The following GCLC variants were observed in gnomAD, a reference collection of about 807,000 sequenced individuals.
GCLC encodes glutamate-cysteine ligase catalytic subunit.
Under a neutral mutation model 81.5 loss-of-function variants are expected in GCLC, and 30 were observed. The ratio of observed to expected loss-of-function variants is 0.37; its 90% CI spans 0.28 to 0.50. GCLC has a LOEUF of 0.50. GCLC is among the 20% of genes least tolerant of loss of function. The pLI, the probability that GCLC is intolerant of heterozygous loss-of-function variation, is 0.96. For missense variants in GCLC, 556 were observed against 777.4 expected, an observed-to-expected ratio of 0.72 and a Z score of 3.39; for synonymous variants, 262 against 273.3, an observed-to-expected ratio of 0.96 and a Z score of 0.41.
At chr6:53,528,050 T>A (rs994617399) in intron 1 of GCLC, among the ~76,000 whole-genome samples, 3 of 152,194 alleles carry the variant, frequency 2.0e-5, no homozygotes, top group Non-Finnish European at 4.4e-5. Context: ...AATTTTTTTT[T>A]AAAAGAAATC....
chr6:53,506,994 A>G lies in GCLC; in HGVS notation c.1116T>C (p.Ala372=), dbSNP rs765323836. ...GIDHLLAQHV[A]HLFIRDPLTL... The stretch of plus-strand genomic sequence containing the variant: ...TCAGTGGGTCTCTAATAAAGAGATG[A>G]GCAACATGCTGGGCCAGGAGATGAT... The change falls in exon 10 of 16, where the codon GCT becomes GCC. Residue 372 remains alanine (A), a synonymous_variant. Transcript: ENST00000650454. This position sits in a 1 kb window ranked among gnomAD's most constrained non-coding sequence, Gnocchi z 4.0. The G allele has an allele frequency of 3.7e-6, 6 of 1,610,348 alleles. No homozygotes were observed. In the African/African-American group the frequency reaches 5.3e-5, roughly 14 times the overall value.
At chr6:53,526,476 A>G (rs970923588) in intron 1 of GCLC, among the ~76,000 whole-genome samples, 2 of 152,188 alleles carry the variant, frequency 1.3e-5, no homozygotes, top group Admixed American at 1.3e-4. Flanking sequence ...CTCTACCTTA[A>G]GGGTAAGAGT....
At chr6:53,541,290 G>C (rs1380590212) in intron 1 of GCLC, among the ~76,000 whole-genome samples, 1 of 152,206 alleles carries the variant, frequency 6.6e-6, no homozygotes, top group Non-Finnish European at 1.5e-5. Flanking sequence ...ATCAAGGGCG[G>C]GAGGTAGAAC....
chr6:53,516,051 C>T, intron 4 of GCLC, 58 bp downstream of exon 4: 1 of 999,762 alleles, frequency 1.0e-6, no homozygotes, highest in Non-Finnish European at 1.6e-6. Context: ...ATACTATACT[C>T]TCAGAAGTCA....
rs1423690823 is a variant in GCLC, at chr6:53,506,657, A to G, written c.1197+256T>C. ...GGCAAATAAGAAAATACTGAACAAT[A>G]AAAAAAAAAATTAGAATCAGTGAGA... On this transcript the variant is annotated intron_variant, in intron 10 of 15. Coordinates refer to ENST00000650454, the MANE Select transcript of GCLC (RefSeq NM_001498.4). The surrounding 1 kb of genome is among the most constrained non-coding windows in gnomAD (Gnocchi z 4.0). 2 of 265,680 alleles carry G rather than the reference A, an allele frequency of 7.5e-6. No homozygotes were observed. Among genetic ancestry groups the G allele is most frequent in the East Asian group, 1.4e-4 (2 of 14,092 alleles). 16.5% of individuals were successfully genotyped at this position (265,680 alleles called of 1,614,324 possible).
chr6:53,523,769 A>G (rs1455250863), intron 1 of GCLC: 1 of 152,246 alleles, frequency 6.6e-6, no homozygotes, highest in Non-Finnish European at 1.5e-5. Flanking sequence ...ATATGATTAT[A>G]AAGAGGAAAA....
At chr6:53,532,053 T>C (rs1369806273) in intron 1 of GCLC, among the ~76,000 whole-genome samples, 1 of 152,248 alleles carries the variant, frequency 6.6e-6, no homozygotes, top group African/African-American at 2.4e-5. Flanking sequence ...TACCCAAAAC[T>C]TACCCCTTTA....
intron 15 of GCLC, 45 bp downstream of exon 15, chr6:53,500,000 A>G (rs781164391): frequency 1.0e-5 from 14 of 1,360,778 alleles, no homozygotes; most frequent in Non-Finnish European, 1.5e-5. Flanking sequence ...CTAAGATTAT[A>G]CCATGCTGTC....
chr6:53,537,499 C>T (rs1463484398), intron 1 of GCLC, among the ~76,000 whole-genome samples: 1 of 152,040 alleles, frequency 6.6e-6, no homozygotes, highest in Non-Finnish European at 1.5e-5. Flanking sequence ...GTTTTTGAAG[C>T]GCAACTTAGA....
intron 1 of GCLC, chr6:53,523,985 TG>T (rs1209169257): frequency 1.3e-5 from 2 of 152,182 alleles, no homozygotes; most frequent in East Asian, 3.8e-4. Context: ...CTGCAGAATC[TG>T]GAACTGTTCG....
chr6:53,505,282 CA>C, intron 12 of GCLC, 109 bp downstream of exon 12: 1 of 700,340 alleles, frequency 1.4e-6, no homozygotes, highest in Non-Finnish European at 2.6e-6. Context: ...CATTTTATTG[CA>C]AAGGGTAAAC....
chr6:53,500,658 G>A (rs977764966), intron 12 of GCLC, 145 bp from the exon 13 acceptor site: 9 of 698,674 alleles, frequency 1.3e-5, no homozygotes, highest in African/African-American at 3.5e-5. Context: ...GGAGGAACAG[G>A]CTTTTTATTT....
chr6:53,530,440 G>C (rs1763152791), intron 1 of GCLC, among the ~76,000 whole-genome samples: 1 of 152,196 alleles, frequency 6.6e-6, no homozygotes, highest in Non-Finnish European at 1.5e-5. Flanking sequence ...TCATGCTAAA[G>C]GATGAAAATC....
At position 53,544,772 on chromosome 6, in the gene GCLC, C is replaced by A; in HGVS notation, c.-127G>T. ...CCACCCCGCGGGGGCGCTCTCGGGC[C>A]GCAGTCGGCGGAGGGAGGGTCCTGC... On this transcript the variant is annotated 5_prime_UTR_variant, in exon 1 of 16. Coordinates refer to ENST00000650454, the MANE Select transcript of GCLC (RefSeq NM_001498.4). The A allele has an allele frequency of 1.1e-6, 1 of 934,024 alleles. No homozygotes were observed. The highest frequency in any genetic ancestry group is 1.5e-6 in the Non-Finnish European group (1 of 656,954). The allele number at this position is 934,024 out of a possible 1,614,324, so 57.9% of individuals were successfully genotyped here.
At chr6:53,544,183 G>A (rs1763405706) in intron 1 of GCLC, among the ~76,000 whole-genome samples, 1 of 152,220 alleles carries the variant, frequency 6.6e-6, no homozygotes, top group Non-Finnish European at 1.5e-5. Context: ...AGATACACTA[G>A]GTTGAAGACT....
intron 1 of GCLC, among the ~76,000 whole-genome samples, chr6:53,538,909 G>T (rs1763304856): frequency 1.3e-5 from 2 of 152,126 alleles, no homozygotes; most frequent in African/African-American, 2.4e-5. Flanking sequence ...TCTGTAAAAA[G>T]AAATTCAATG....
At chr6:53,520,098 T>C (rs371839861) in intron 3 of GCLC, among the ~76,000 whole-genome samples, 1 of 152,216 alleles carries the variant, frequency 6.6e-6, no homozygotes, top group South Asian at 2.1e-4. Context: ...TTGGCAGAAA[T>C]GTATTTTTAC....
chr6:53,516,561 T>A (rs1407217348), intron 3 of GCLC, among the ~76,000 whole-genome samples: 1 of 152,204 alleles, frequency 6.6e-6, no homozygotes, highest in African/African-American at 2.4e-5. Context: ...CTTGGTCACA[T>A]CAGCTGTCAT....
chr6:53,537,244 A>G (rs1763271370), intron 1 of GCLC, among the ~76,000 whole-genome samples: 1 of 152,250 alleles, frequency 6.6e-6, no homozygotes, highest in African/African-American at 2.4e-5. Flanking sequence ...ACGCATGCAC[A>G]CACGTGCAAA....
Sources: gnomAD v4.1 joint callset for allele counts (sites outside exome capture counted in the v4.1 genomes callset) on GRCh38, gnomAD v4.1.1 for gene constraint, Gnocchi (gnomAD v3.1) non-coding constraint, MANE v1.5 for transcripts, NCBI Gene and HGNC (gene_info 2026-07-23, HGNC 2026-07-21) for gene names.